ABTB3: variants seen among roughly 807,000 people sequenced by gnomAD.
ABTB3 encodes ankyrin repeat- and BTB/POZ domain-containing protein 3.
the ABTB3 span, among the ~76,000 whole-genome samples, chr12:107,470,006 TTCTTTCTC>T: frequency 2.7e-3 from 127 of 47,238 alleles, 1 homozygote; most frequent in East Asian, 9.7e-3. Flanking sequence ...CTTTCTTTCT[TTCTTTCTC>T]TCTCTCTCTC....
chr12:107,481,328 A>T, the ABTB3 span, among the ~76,000 whole-genome samples: 6 of 152,090 alleles, frequency 3.9e-5, no homozygotes, highest in Non-Finnish European at 7.4e-5. Flanking sequence ...GGAAGTCTTT[A>T]TGATTTCCAT....
At chr12:107,507,729 T>C in the ABTB3 span, among the ~76,000 whole-genome samples, 8 of 152,306 alleles carry the variant, frequency 5.3e-5, no homozygotes, top group Non-Finnish European at 1.0e-4. Flanking sequence ...CTCTGTGACT[T>C]GGCTTTTTCT....
chr12:107,391,265 A>C, the ABTB3 span, among the ~76,000 whole-genome samples: 1 of 152,180 alleles, frequency 6.6e-6, no homozygotes, highest in East Asian at 1.9e-4. Context: ...GGAGTTAGGT[A>C]AGTTGTTTGA....
chr12:107,608,711 AT>A, the ABTB3 span, among the ~76,000 whole-genome samples: 1 of 151,424 alleles, frequency 6.6e-6, no homozygotes, highest in East Asian at 1.9e-4. Context: ...CTTTACAAAA[AT>A]TTTTTTTGAT....
At chr12:107,474,448 G>A in the ABTB3 span, among the ~76,000 whole-genome samples, 8 of 152,304 alleles carry the variant, frequency 5.3e-5, no homozygotes, top group East Asian at 1.9e-4. Context: ...GGCTCTTTCC[G>A]AATGATTAAA....
the ABTB3 span, among the ~76,000 whole-genome samples, chr12:107,402,952 A>G: frequency 1.3e-5 from 2 of 151,996 alleles, no homozygotes; most frequent in African/African-American, 2.4e-5. Flanking sequence ...AGGCTGTGCT[A>G]TTGGGAGGTG....
chr12:107,578,863 A>G, the ABTB3 span, among the ~76,000 whole-genome samples: 2 of 152,328 alleles, frequency 1.3e-5, no homozygotes, highest in Middle Eastern at 6.8e-3. Flanking sequence ...ACTCAATTTT[A>G]TCAGTTTCAC....
At chr12:107,513,800 G>A in the ABTB3 span, among the ~76,000 whole-genome samples, 1 of 152,212 alleles carries the variant, frequency 6.6e-6, no homozygotes. Context: ...AGGCAGCAAT[G>A]CACCCTGATG....
chr12:107,523,407 TACA>T, the ABTB3 span, among the ~76,000 whole-genome samples: 17 of 152,234 alleles, frequency 1.1e-4, no homozygotes, highest in Non-Finnish European at 2.9e-5. Context: ...TTTTGGGAGT[TACA>T]ACACCTTTGG....
the ABTB3 span, among the ~76,000 whole-genome samples, chr12:107,503,089 G>A: frequency 1.3e-5 from 2 of 152,164 alleles, no homozygotes; most frequent in African/African-American, 2.4e-5. Flanking sequence ...GGTTGGTCAG[G>A]GGGCAGAAGG....
At chr12:107,351,677 C>T in the ABTB3 span, among the ~76,000 whole-genome samples, 1 of 152,166 alleles carries the variant, frequency 6.6e-6, no homozygotes, top group Non-Finnish European at 1.5e-5. Context: ...TGTTAGGATG[C>T]AGCAAGAGGG....
the ABTB3 span, among the ~76,000 whole-genome samples, chr12:107,557,329 T>A: frequency 6.6e-6 from 1 of 151,932 alleles, no homozygotes; most frequent in Non-Finnish European, 1.5e-5. Context: ...GGCATTTGTG[T>A]GTCTAAACAG....
chr12:107,508,434 A>ATTTTTTTTTTTTT, the ABTB3 span, among the ~76,000 whole-genome samples: 15 of 58,716 alleles, frequency 2.6e-4, no homozygotes, highest in Non-Finnish European at 4.1e-4. Flanking sequence ...CTCAAAGATC[A>ATTTTTTTTTTTTT]TTTCTTTTTT....
chr12:107,344,127 T>C, the ABTB3 span, among the ~76,000 whole-genome samples: 1 of 152,214 alleles, frequency 6.6e-6, no homozygotes, highest in Admixed American at 6.5e-5. Flanking sequence ...GCTTCAGTCA[T>C]CACATGTGCA....
chr12:107,534,555 A>G, the ABTB3 span, among the ~76,000 whole-genome samples: 1 of 152,194 alleles, frequency 6.6e-6, no homozygotes, highest in African/African-American at 2.4e-5. Context: ...TAGCTAGACT[A>G]AGAAATAAAC....
At chr12:107,547,593 C>T in the ABTB3 span, among the ~76,000 whole-genome samples, 1 of 152,188 alleles carries the variant, frequency 6.6e-6, no homozygotes, top group Non-Finnish European at 1.5e-5. Flanking sequence ...TCATTCTTTC[C>T]ATGCCTCTTT....
the ABTB3 span, among the ~76,000 whole-genome samples, chr12:107,405,669 G>A: frequency 2.3e-3 from 354 of 152,368 alleles, 3 homozygotes; most frequent in African/African-American, 6.9e-3. Flanking sequence ...AGCTTATGCT[G>A]GGAAGAGAAG....
chr12:107,592,431 T>C, the ABTB3 span, among the ~76,000 whole-genome samples: 2 of 152,206 alleles, frequency 1.3e-5, no homozygotes, highest in Non-Finnish European at 1.5e-5. Flanking sequence ...AGAAGACATG[T>C]ACATGGATAT....
At chr12:107,601,345 G>A in the ABTB3 span, among the ~76,000 whole-genome samples, 6 of 152,342 alleles carry the variant, frequency 3.9e-5, no homozygotes, top group South Asian at 1.2e-3. Flanking sequence ...TGGTAGAATT[G>A]CATAATGATG....
Sources: gnomAD v4.1 joint callset for allele counts (sites outside exome capture counted in the v4.1 genomes callset) on GRCh38, gnomAD v4.1.1 for gene constraint, MANE v1.5 for transcripts, NCBI Gene and HGNC (gene_info 2026-07-23, HGNC 2026-07-21) for gene names.